The following TRIML2 variants were observed in gnomAD, a reference collection of about 807,000 sequenced individuals.
TRIML2 encodes probable E3 ubiquitin-protein ligase TRIML2.
In TRIML2, 28 loss-of-function variants were observed where a neutral mutation model predicts 31.2. The ratio of observed to expected loss-of-function variants is 0.90; its 90% confidence interval spans 0.66 to 1.23. The LOEUF is 1.23. Ranked by LOEUF, TRIML2 falls within the 50% of genes most tolerant of loss-of-function variation. The pLI, the probability that TRIML2 is intolerant of heterozygous loss-of-function variation, is 0.00. For synonymous variants in TRIML2, 187 were observed against 197.5 expected (o/e 0.95, Z 0.45); for missense variants, 536 against 528.3 (o/e 1.01, Z -0.14).
intron 7 of TRIML2, among the ~76,000 whole-genome samples, chr4:188,093,571 A>G (rs1733359466): frequency 6.6e-6 from 1 of 152,164 alleles, no homozygotes; most frequent in East Asian, 1.9e-4. Context: ...GTGAGGCAGG[A>G]GCATCGCTTG....
intron 7 of TRIML2, among the ~76,000 whole-genome samples, chr4:188,095,991 T>A (rs1733490007): frequency 6.6e-6 from 1 of 152,204 alleles, no homozygotes; most frequent in South Asian, 2.1e-4. Context: ...GGCAAAGCTA[T>A]AAGGACAGGA....
rs142210614 is a variant in TRIML2, at chr4:188,106,633, G to A, written c.-222-1043C>T. ...CCAGGAGACGGTCTCCCAGGTCGCG[G>A]CTCAGGCAGCGCCACTGGAGGGCTT... On this transcript the variant is annotated intron_variant, in intron 1 of 7. Transcript: ENST00000682553. 1,165 of 155,620 alleles carry A rather than the reference G, an allele frequency of 7.5e-3. 7 individuals carry two copies. The highest frequency in any genetic ancestry group is 9.7e-3 in the Non-Finnish European group (678 of 69,642). The allele number at this position is 155,620 out of a possible 1,614,324, so 9.6% of individuals were successfully genotyped here.
rs761994467 is a variant in TRIML2 at position 188,097,055 on chromosome 4, A to T, written c.745+6T>A. On this transcript the variant is annotated splice_donor_region_variant and intron_variant, in intron 7 of 7. Coordinates refer to ENST00000682553, the MANE Select transcript of TRIML2 (RefSeq NM_173553.4). ...GCCCTGTGAGTATTCACATGTGTCA[A>T]CTTACTCTGGAGTACTCTGAACATG... 1.3e-6 allele frequency: 2 copies of T among 1,598,706 alleles called. No homozygotes were observed. The highest frequency in any genetic ancestry group is 4.5e-5 in the East Asian group (2 of 44,702).
intron 3 of TRIML2, among the ~76,000 whole-genome samples, chr4:188,102,242 T>C (rs1296666710): frequency 1.3e-5 from 2 of 152,030 alleles, no homozygotes; most frequent in Non-Finnish European, 2.9e-5. Flanking sequence ...CAATGGGATT[T>C]GCTGATGCTT....
intron 1 of TRIML2, among the ~76,000 whole-genome samples, chr4:188,108,552 T>A (rs747367598): frequency 6.6e-6 from 1 of 152,196 alleles, no homozygotes; most frequent in Admixed American, 6.5e-5. Flanking sequence ...TTCTATGGCA[T>A]TAGAGTAAGA....
At chr4:188,095,031 T>C (rs1733442797) in intron 7 of TRIML2, among the ~76,000 whole-genome samples, 2 of 152,126 alleles carry the variant, frequency 1.3e-5, no homozygotes, top group African/African-American at 4.8e-5. Context: ...AAAGGTAGTG[T>C]TTTTAACAAA....
intron 7 of TRIML2, chr4:188,093,061 T>TGG (rs1168895373): frequency 1.7e-5 from 6 of 353,434 alleles, no homozygotes; most frequent in Middle Eastern, 8.0e-4. Flanking sequence ...ATTTCAAACA[T>TGG]AACACACCCA....
At chr4:188,107,659 C>T (rs547237862) in intron 1 of TRIML2, among the ~76,000 whole-genome samples, 1 of 152,256 alleles carries the variant, frequency 6.6e-6, no homozygotes, top group South Asian at 2.1e-4. Context: ...TTTTCAACTT[C>T]CATCTGTTAT....
At position 188,091,559 on chromosome 4, in the gene TRIML2, G is replaced by A. The variant is rs144175625; in HGVS notation, c.1128C>T (p.Cys376=). 199 of 1,614,006 alleles carry A rather than the reference G, an allele frequency of 1.2e-4. No homozygotes were observed. The highest frequency in any genetic ancestry group is 1.7e-4 in the Admixed American group (10 of 59,980). ...TGTAGAATGATATCTGCCCGTGTTCGCAGTCAAGGAAAACGCCAACTGTGT... is the reference window on the plus strand; with the variant it reads ...TGTAGAATGATATCTGCCCGTGTTCACAGTCAAGGAAAACGCCAACTGTGT... ...KLDTVGVFLD[C]EHGQISFYNV... The change falls in exon 8 of 8, where the codon TGC becomes TGT. Residue 376 remains cysteine (C), a synonymous_variant. Transcript: ENST00000682553.
intron 1 of TRIML2, among the ~76,000 whole-genome samples, chr4:188,108,231 G>A (rs993332292): frequency 1.3e-5 from 2 of 151,928 alleles, no homozygotes; most frequent in Non-Finnish European, 2.9e-5. Flanking sequence ...AATCTTACTC[G>A]TTTCTGAAGA....
chr4:188,096,426 G>A (rs1308111481), intron 7 of TRIML2, among the ~76,000 whole-genome samples: 2 of 149,524 alleles, frequency 1.3e-5, no homozygotes, highest in African/African-American at 4.9e-5. Flanking sequence ...CAGCTACTTG[G>A]GAGGCCGAGG....
In TRIML2 at chr4:188,091,397, AGAAG is replaced by A. The variant is rs1469287480; in HGVS notation, c.1286_1289del (p.Pro429LeufsTer35). The A allele has an allele frequency of 6.2e-7, 1 of 1,613,908 alleles. No individual in the cohort carries two copies. Among genetic ancestry groups the A allele is most frequent in the Non-Finnish European group, 8.5e-7 (1 of 1,179,814 alleles). On this transcript the variant is annotated frameshift_variant, in exon 8 of 8. Coordinates refer to ENST00000682553, the MANE Select transcript of TRIML2 (RefSeq NM_173553.4). LOFTEE classifies it low-confidence loss of function (END_TRUNC). ...ATTAAGGGCTAACAGTAGCATCACA[AGAAG>A]GACCATGTTGTAAGATGGTGAGGGA...
chr4:188,100,294 T>C (rs958035796), intron 4 of TRIML2, among the ~76,000 whole-genome samples: 6 of 152,142 alleles, frequency 3.9e-5, no homozygotes, highest in African/African-American at 1.4e-4. Context: ...CACAATAATT[T>C]TATAAATTAG....
intron 3 of TRIML2, 40 bp downstream of exon 3, chr4:188,104,797 G>A: frequency 6.9e-7 from 1 of 1,455,894 alleles, no homozygotes; most frequent in Non-Finnish European, 9.6e-7. Context: ...CAACATTACT[G>A]GTAATTTCCC....
At chr4:188,107,301 C>T (rs1734082165) in intron 1 of TRIML2, among the ~76,000 whole-genome samples, 1 of 152,164 alleles carries the variant, frequency 6.6e-6, no homozygotes, top group Non-Finnish European at 1.5e-5. Flanking sequence ...TGTGACCCAC[C>T]GTGCCTGGCT....
chr4:188,091,637 C>A lies in TRIML2; in HGVS notation c.1050G>T (p.Trp350Cys), dbSNP rs1161631383. The A allele has an allele frequency of 2.5e-6, 4 of 1,614,014 alleles. No homozygotes were observed. The highest frequency in any genetic ancestry group is 3.4e-6 in the Non-Finnish European group (4 of 1,179,896). The change falls in exon 8 of 8, where the codon TGG (tryptophan) becomes TGT (cysteine). Residue 350 changes from tryptophan (W) to cysteine (C), a missense_variant. Transcript: ENST00000682553. ...TCAGAGGGGGGAAGACCCAGAGAGT[C>A]CACTCGGTCCCCATCACCGACCCCG... The part of the protein sequence containing the change: ...LLTGSVMGTE[W>C]TLWVFPPLKR...
At chr4:188,095,090 G>A (rs1435585082) in intron 7 of TRIML2, among the ~76,000 whole-genome samples, 1 of 152,100 alleles carries the variant, frequency 6.6e-6, no homozygotes, top group Non-Finnish European at 1.5e-5. Flanking sequence ...AAAAATAGAA[G>A]GTGGGGGGAG....
intron 7 of TRIML2, among the ~76,000 whole-genome samples, chr4:188,092,167 C>T (rs182546525): frequency 1.5e-4 from 23 of 152,058 alleles, no homozygotes; most frequent in African/African-American, 5.3e-4. Context: ...TCTACCTGAG[C>T]GGGAAGAATA....
chr4:188,105,102 G>T (rs762580812), intron 2 of TRIML2, 78 bp downstream of exon 2: 43 of 1,516,362 alleles, frequency 2.8e-5, no homozygotes, highest in Non-Finnish European at 3.9e-5. Flanking sequence ...AATGGTTTTG[G>T]AGGACCAGAA....
Sources: gnomAD v4.1 joint callset for allele counts (sites outside exome capture counted in the v4.1 genomes callset) on GRCh38, gnomAD v4.1.1 for gene constraint, MANE v1.5 for transcripts, NCBI Gene and HGNC (gene_info 2026-07-23, HGNC 2026-07-21) for gene names.